Variants in CACNA1B observed in about 807,000 individuals in gnomAD.
CACNA1B encodes calcium voltage-gated channel subunit alpha1 B.
A neutral mutation model predicts 247.2 loss-of-function variants in CACNA1B; 70 were observed. The ratio of observed to expected loss-of-function variants is 0.28; its 90% CI spans 0.23 to 0.35. CACNA1B has a LOEUF of 0.35. CACNA1B is among the 10% of genes least tolerant of loss of function. The pLI is 1.00. For synonymous variants in CACNA1B, 1,231 were observed against 1,294.4 expected (o/e 0.95, Z 1.05); for missense variants, 2,367 against 3,197.4 (o/e 0.74, Z 6.26).
intron 3 of CACNA1B, among the ~76,000 whole-genome samples, chr9:137,895,245 A>ACC (rs1310295877): frequency 6.6e-6 from 1 of 152,208 alleles, no homozygotes; most frequent in Non-Finnish European, 1.5e-5. Context: ...CACGGTAGTT[A>ACC]TGTAATAAGG....
intron 15 of CACNA1B, among the ~76,000 whole-genome samples, chr9:137,989,710 G>A (rs1203435480): frequency 5.9e-5 from 9 of 152,140 alleles, no homozygotes; most frequent in African/African-American, 1.7e-4. Flanking sequence ...TGGTTTAAGC[G>A]TGAGGGCAGA....
chr9:138,032,893 C>A (rs1959002990), intron 20 of CACNA1B: 1 of 294,922 alleles, frequency 3.4e-6, no homozygotes, highest in Non-Finnish European at 6.6e-6. Context: ...GGGGTTTGCT[C>A]AATTTCTTGA....
intron 6 of CACNA1B, among the ~76,000 whole-genome samples, chr9:137,925,447 C>T (rs1957538256): frequency 2.6e-5 from 4 of 152,184 alleles, no homozygotes; most frequent in Admixed American, 2.6e-4. Flanking sequence ...GTTCTAACAC[C>T]TAGGCAGCAA....
rs1440654961 is a variant in CACNA1B, at chr9:137,913,128, C to T, written c.531-52C>T. ...GGTGGTGGGAGGAGTGTGTCCTCTT[C>T]CAGGCTCAATGTGGAAACCTTTACT... On this transcript the variant is annotated intron_variant, in intron 3 of 46. Coordinates refer to ENST00000371372, the MANE Select transcript of CACNA1B (RefSeq NM_000718.4). The surrounding 1 kb of genome is among the most constrained non-coding windows in gnomAD (Gnocchi z 5.2). 5 of 1,446,788 alleles carry T rather than the reference C, an allele frequency of 3.5e-6. No individual in the cohort carries two copies. Among genetic ancestry groups the T allele is most frequent in the Non-Finnish European group, 4.8e-6 (5 of 1,031,368 alleles). The allele number at this position is 1,446,788 out of a possible 1,614,324, so 89.6% of individuals were successfully genotyped here. A position where few individuals can be genotyped will look rare whatever the true frequency, so the allele number is the denominator to read the frequency against.
chr9:138,041,190 T>A (rs1192025246), intron 20 of CACNA1B, among the ~76,000 whole-genome samples: 1 of 152,164 alleles, frequency 6.6e-6, no homozygotes, highest in African/African-American at 2.4e-5. Flanking sequence ...TAGCCCCGCT[T>A]TGGGGATGAT....
chr9:138,073,392 G>C lies in CACNA1B; in HGVS notation c.4675-96G>C. On this transcript the variant is annotated intron_variant, in intron 32 of 46. Transcript: ENST00000371372. The surrounding 1 kb of genome is among the most constrained non-coding windows in gnomAD (Gnocchi z 6.4). ...AATCTTTTTAACCACTTTTCTTTGGGGCCACAGGGATGTGGGAAGAGGTTG... is the reference window on the plus strand; with the variant it reads ...AATCTTTTTAACCACTTTTCTTTGGCGCCACAGGGATGTGGGAAGAGGTTG... 1 of 722,522 alleles carries C rather than the reference G, an allele frequency of 1.4e-6. No homozygotes were observed. Among genetic ancestry groups the C allele is most frequent in the Non-Finnish European group, 2.5e-6 (1 of 398,372 alleles). 44.8% of individuals were successfully genotyped at this position (722,522 alleles called of 1,614,324 possible).
intron 18 of CACNA1B, among the ~76,000 whole-genome samples, chr9:138,016,735 G>C (rs988679080): frequency 6.6e-6 from 1 of 152,196 alleles, no homozygotes; most frequent in Non-Finnish European, 1.5e-5. Flanking sequence ...CCCATCTTGA[G>C]GGCCGGGAGA....
chr9:138,058,985 T>C lies in CACNA1B; in HGVS notation c.4474-94T>C, dbSNP rs1032225360. On this transcript the variant is annotated intron_variant, in intron 29 of 46. Coordinates refer to ENST00000371372, the MANE Select transcript of CACNA1B (RefSeq NM_000718.4). This position sits in a 1 kb window ranked among gnomAD's most constrained non-coding sequence, Gnocchi z 4.7. ...GTCCCAGGCCTAGGCAGGCATCGAG[T>C]TCTGTCTGCCCGCTTTGCTTGGTCA... 2.5e-6 allele frequency: 2 copies of C among 798,416 alleles called. No homozygotes were observed. The highest frequency in any genetic ancestry group is 4.3e-6 in the Non-Finnish European group (2 of 466,970). The allele number at this position is 798,416 out of a possible 1,614,324, so 49.5% of individuals were successfully genotyped here. A position where few individuals can be genotyped will look rare whatever the true frequency, so the allele number is the denominator to read the frequency against.
intron 18 of CACNA1B, chr9:138,017,284 A>G (rs1958805114): frequency 2.0e-6 from 1 of 488,270 alleles, no homozygotes; most frequent in Non-Finnish European, 4.1e-6. Context: ...TAACTCTGCT[A>G]TCTCACCGCA....
At chr9:137,995,959 G>A (rs1958495363) in intron 15 of CACNA1B, among the ~76,000 whole-genome samples, 1 of 152,182 alleles carries the variant, frequency 6.6e-6, no homozygotes, top group South Asian at 2.1e-4. Context: ...ACCACAGTGT[G>A]ATACCACCTC....
At chr9:138,106,726 G>A (rs926905770) in intron 39 of CACNA1B, among the ~76,000 whole-genome samples, 4 of 152,134 alleles carry the variant, frequency 2.6e-5, no homozygotes, top group Admixed American at 6.5e-5. Context: ...ATTGTACCAC[G>A]GCACTCCAGC....
chr9:137,898,703 A>G (rs1172702913), intron 3 of CACNA1B, among the ~76,000 whole-genome samples: 2 of 146,696 alleles, frequency 1.4e-5, no homozygotes, highest in East Asian at 2.0e-4. Context: ...TTTTTTTGAG[A>G]TGGAGTCTCC....
rs780976596 is a variant in CACNA1B, at chr9:138,014,349, T to C, written c.2267+1114T>C. On this transcript the variant is annotated intron_variant, in intron 18 of 46. Transcript: ENST00000371372. The surrounding 1 kb of genome is among the most constrained non-coding windows in gnomAD (Gnocchi z 6.2). ...AGGAAGATGGTGTTTGCGGAGGGCC[T>C]GTCTCTAAGCCTAGCAGAAAGTGCT... Among the ~76,000 whole-genome samples, 6 of 152,170 alleles carry C rather than the reference T, an allele frequency of 3.9e-5. No individual in the cohort carries two copies. Among genetic ancestry groups the C allele is most frequent in the Non-Finnish European group, 7.4e-5 (5 of 68,020 alleles).
chr9:137,957,613 C>T lies in CACNA1B; in HGVS notation c.1259C>T (p.Ala420Val), dbSNP rs1464246801. ...KSPLDVLKRA[A>V]TKKSRNDLIH... The stretch of plus-strand genomic sequence containing the variant: ...TTTAAAGCAGTGCTGAAGAGAGCGG[C>T]CACCAAGAAGAGCAGAAATGACCTG... The change falls in exon 10 of 47, where the codon GCC becomes GTC. Residue 420 changes from alanine to valine, a missense_variant. By Grantham distance (64) the Ala-to-Val change is moderately conservative (BLOSUM62 0). This residue lies in a region of CACNA1B where 219 missense variants were observed against 297.6 expected (regional missense o/e 0.74). Transcript: ENST00000371372. This position sits in a 1 kb window ranked among gnomAD's most constrained non-coding sequence, Gnocchi z 4.7. 6.3e-7 allele frequency: 1 copy of T among 1,597,086 alleles called. No individual in the cohort carries two copies.
At chr9:137,938,260 G>A (rs1156259988) in intron 6 of CACNA1B, among the ~76,000 whole-genome samples, 1 of 152,108 alleles carries the variant, frequency 6.6e-6, no homozygotes, top group Non-Finnish European at 1.5e-5. Flanking sequence ...GCTAGAAGGA[G>A]CTCTAAATCT....
intron 34 of CACNA1B, among the ~76,000 whole-genome samples, chr9:138,074,656 A>T (rs553676621): frequency 1.8e-3 from 276 of 152,360 alleles, no homozygotes; most frequent in African/African-American, 6.3e-3. Context: ...CCCTCGGCCC[A>T]TTGCCACCTC....
intron 3 of CACNA1B, among the ~76,000 whole-genome samples, chr9:137,893,555 G>A (rs1295170980): frequency 1.3e-5 from 2 of 151,622 alleles, no homozygotes; most frequent in African/African-American, 4.8e-5. Flanking sequence ...GGGGGCTGAG[G>A]CAGGAGGATC....
At chr9:138,067,600 G>A (rs913082935) in intron 31 of CACNA1B, among the ~76,000 whole-genome samples, 5 of 152,238 alleles carry the variant, frequency 3.3e-5, no homozygotes, top group Admixed American at 6.5e-5. Flanking sequence ...TTGGGAGGCT[G>A]AGGCACAAGA....
chr9:138,058,241 G>A lies in CACNA1B; in HGVS notation c.4299G>A (p.Glu1433=), dbSNP rs187746060. 3 of 1,613,328 alleles carry A rather than the reference G, an allele frequency of 1.9e-6. No individual in the cohort carries two copies. Among genetic ancestry groups the A allele is most frequent in the African/African-American group, 2.7e-5 (2 of 75,052 alleles). Residue 1433 remains glutamate, a synonymous_variant, in exon 28 of 47, where the codon GAG becomes GAA. Coordinates refer to ENST00000371372, the MANE Select transcript of CACNA1B (RefSeq NM_000718.4). This position sits in a 1 kb window ranked among gnomAD's most constrained non-coding sequence, Gnocchi z 4.7. Reference sequence around the variant, plus strand: ...AGGTGATGTCTGAATGCAGCCTGGAGAAGAACGAGGTAGGTGGACGCTCTG... The same window carrying A: ...AGGTGATGTCTGAATGCAGCCTGGAAAAGAACGAGGTAGGTGGACGCTCTG... ...GDKVMSECSL[E]KNERACIDFA...
Sources: allele counts gnomAD v4.1 joint callset (sites outside exome capture counted in the v4.1 genomes callset), GRCh38; gene constraint gnomAD v4.1.1; regional missense constraint gnomAD v4.1.1; non-coding constraint Gnocchi (gnomAD v3.1); transcripts MANE v1.5; gene names NCBI Gene and HGNC (gene_info 2026-07-23, HGNC 2026-07-21).